Variants in PCNX2 observed in about 807,000 individuals in gnomAD.
The protein encoded by PCNX2 is pecanex 2, also known as pecanex-like protein 2.
A neutral mutation model predicts 223.8 loss-of-function variants in PCNX2; 168 were observed. The ratio of observed to expected loss-of-function variants is 0.75; its 90% CI spans 0.66 to 0.85. PCNX2 has a LOEUF of 0.85. Ranked by LOEUF, PCNX2 falls within the 40% of genes least tolerant of loss-of-function variation. PCNX2 has a pLI of 0.00. For synonymous variants in PCNX2, 1,006 were observed against 1,052.6 expected, an observed-to-expected ratio of 0.96 and a Z score of 0.86; for missense variants, 2,507 against 2,675.5, an observed-to-expected ratio of 0.94 and a Z score of 1.39.
At chr1:233,282,459 T>A (rs897666655) in intron 1 of PCNX2, among the ~76,000 whole-genome samples, 3 of 152,226 alleles carry the variant, frequency 2.0e-5, no homozygotes, top group Non-Finnish European at 4.4e-5. Context: ...CAAACTACTA[T>A]GTGTAAAACT....
rs767568569 is a variant in PCNX2, at chr1:233,227,381, A to G, written c.2359-10T>C. 2 of 1,607,864 alleles carry G rather than the reference A, an allele frequency of 1.2e-6. No homozygotes were observed. Among genetic ancestry groups the G allele is most frequent in the Middle Eastern group, 1.7e-4 (1 of 6,024 alleles). On this transcript the variant is annotated splice_polypyrimidine_tract_variant and intron_variant, in intron 9 of 33. Transcript: ENST00000258229. ...GATCCTGACTCACATGCTTTTAGAT[A>G]CCAAAAGAAACAACAGAAAAAAGGG... is the stretch of plus-strand genomic sequence containing the variant.
In PCNX2 at chr1:233,160,425, G is replaced by A. The variant is rs1182152452; in HGVS notation, c.3375C>T (p.Leu1125=). 2.5e-6 allele frequency: 4 copies of A among 1,613,392 alleles called. No homozygotes were observed. In the African/African-American group the frequency reaches 4.0e-5, roughly 16 times the overall value. The change falls in exon 19 of 34, where the codon CTC becomes CTT. Residue 1125 remains leucine, a synonymous_variant. Coordinates refer to ENST00000258229, the MANE Select transcript of PCNX2 (RefSeq NM_014801.4). ...CAGCCAAGGCAAACAGCACGATGCTGAGAAATGGCTGCGATAAAAATGGGC... is the reference window on the plus strand; with the variant it reads ...CAGCCAAGGCAAACAGCACGATGCTAAGAAATGGCTGCGATAAAAATGGGC... ...STVFLSLRPF[L]SIVLFALAGA...
intron 25 of PCNX2, among the ~76,000 whole-genome samples, chr1:233,052,952 C>T (rs996819318): frequency 6.6e-6 from 1 of 151,844 alleles, no homozygotes; most frequent in Non-Finnish European, 1.5e-5. Context: ...TTCCACCTCC[C>T]AGTCTCTGGG....
intron 17 of PCNX2, chr1:233,167,585 G>C: frequency 2.8e-6 from 1 of 356,254 alleles, no homozygotes. Context: ...AAATAAAAAT[G>C]GGTAACTATG....
At chr1:233,114,835 T>A (rs1463973036) in intron 21 of PCNX2, among the ~76,000 whole-genome samples, 1 of 152,094 alleles carries the variant, frequency 6.6e-6, no homozygotes, top group East Asian at 1.9e-4. Context: ...ACCATGAGAT[T>A]AAGAAACTCA....
intron 25 of PCNX2, among the ~76,000 whole-genome samples, chr1:233,053,487 C>T (rs1672078865): frequency 6.6e-6 from 1 of 152,160 alleles, no homozygotes; most frequent in African/African-American, 2.4e-5. Flanking sequence ...TGTCTGTTTA[C>T]TTGTTTACTT....
chr1:233,072,756 C>G (rs1672913403), intron 23 of PCNX2, among the ~76,000 whole-genome samples: 1 of 151,898 alleles, frequency 6.6e-6, no homozygotes, highest in Non-Finnish European at 1.5e-5. Flanking sequence ...GTGTATAATC[C>G]TAATAAGGTG....
At chr1:233,098,402 A>G (rs1220139320) in intron 21 of PCNX2, among the ~76,000 whole-genome samples, 1 of 152,246 alleles carries the variant, frequency 6.6e-6, no homozygotes, top group East Asian at 1.9e-4. Flanking sequence ...ATTTACACAT[A>G]AGAAAAACCA....
At chr1:233,058,006 G>T (rs754957820) in intron 23 of PCNX2, 39 of 985,144 alleles carry the variant, frequency 4.0e-5, no homozygotes, top group Non-Finnish European at 4.7e-5. Flanking sequence ...TTCAAGAGTG[G>T]GGTATACTCT....
At position 233,258,586 on chromosome 1, in the gene PCNX2, T is replaced by C. The variant is rs764920484; in HGVS notation, c.1276A>G (p.Ile426Val). ...TCCAGGGTGATTACAGGAATTGAGA[T>C]CTGCTCGGCATTTGGAGAACCGGCC... ...GAAGSPNAEQ[I>V]SIPVITLDLP... The change falls in exon 5 of 34, where the codon ATC (isoleucine) becomes GTC (valine). Residue 426 changes from isoleucine to valine, a missense_variant. Transcript: ENST00000258229. 10 of 1,613,964 alleles carry C rather than the reference T, an allele frequency of 6.2e-6. No homozygotes were observed. The highest frequency in any genetic ancestry group is 1.7e-4 in the Middle Eastern group (1 of 6,060).
chr1:233,262,313 A>G (rs1660097665), intron 2 of PCNX2, 148 bp from the exon 3 acceptor site: 7 of 1,020,240 alleles, frequency 6.9e-6, no homozygotes, highest in African/African-American at 3.2e-5. Flanking sequence ...TTGTTAAGAG[A>G]CAGGGCTTCG....
chr1:233,227,124 GA>G, intron 10 of PCNX2, 101 bp downstream of exon 10: 1 of 1,330,024 alleles, frequency 7.5e-7, no homozygotes. Context: ...CGTACAACTT[GA>G]AAATGTGCAA....
intron 21 of PCNX2, among the ~76,000 whole-genome samples, chr1:233,115,894 A>G (rs1675379562): frequency 1.3e-5 from 2 of 152,240 alleles, no homozygotes; most frequent in Non-Finnish European, 2.9e-5. Flanking sequence ...CCATAACTCA[A>G]CTATATGCTG....
the PCNX2 span, among the ~76,000 whole-genome samples, chr1:233,307,877 T>G: frequency 6.6e-6 from 1 of 152,212 alleles, no homozygotes; most frequent in Non-Finnish European, 1.5e-5. Flanking sequence ...TCTGAACCAC[T>G]GCATTACCTC....
Position 233,126,380 on chromosome 1 carries a change from G to A in PCNX2, c.3837+8633C>T, listed in dbSNP as rs1185608451. On this transcript the variant is annotated intron_variant, in intron 21 of 33. Coordinates refer to ENST00000258229, the MANE Select transcript of PCNX2 (RefSeq NM_014801.4). This position sits in a 1 kb window ranked among gnomAD's most constrained non-coding sequence, Gnocchi z 4.8. ...ATATGCTATAGCATTCTCTGCAGGG[G>A]TCAAAAGGAAGAGGCAACATGATAT... 6.6e-6 allele frequency among the ~76,000 whole-genome samples: 1 copy of A among 152,090 alleles called. No individual in the cohort carries two copies. Among genetic ancestry groups the A allele is most frequent in the African/African-American group, 2.4e-5 (1 of 41,400 alleles).
intron 25 of PCNX2, among the ~76,000 whole-genome samples, chr1:233,036,996 C>T (rs1364428955): frequency 1.3e-5 from 2 of 152,220 alleles, no homozygotes; most frequent in African/African-American, 4.8e-5. Flanking sequence ...AAGACTGAGT[C>T]TCTCTCTTTG....
chr1:233,056,217 T>C (rs1672186896), intron 24 of PCNX2, among the ~76,000 whole-genome samples: 1 of 152,214 alleles, frequency 6.6e-6, no homozygotes, highest in Non-Finnish European at 1.5e-5. Flanking sequence ...CCTTTCAGTC[T>C]CTGGCACTTT....
At chr1:233,005,709 G>A (rs1162026777) in intron 28 of PCNX2, among the ~76,000 whole-genome samples, 1 of 152,206 alleles carries the variant, frequency 6.6e-6, no homozygotes, top group Non-Finnish European at 1.5e-5. Flanking sequence ...GCTGTGACAA[G>A]CCAAGCGGGG....
In PCNX2 at chr1:233,273,773, G is replaced by A. The variant is rs373061739; in HGVS notation, c.154-10610C>T. 1.6e-3 allele frequency among the ~76,000 whole-genome samples: 248 copies of A among 152,126 alleles called. 3 individuals are homozygous for A. In the South Asian group the frequency reaches 0.025, roughly 15 times the overall value. ...CGAGTACCTGGGATTACAGGCGCCT[G>A]CCACTACGCCCAGCTAATTTTTTGT... On this transcript the variant is annotated intron_variant, in intron 1 of 33. Coordinates refer to ENST00000258229, the MANE Select transcript of PCNX2 (RefSeq NM_014801.4).
Sources: allele counts gnomAD v4.1 joint callset (sites outside exome capture counted in the v4.1 genomes callset), GRCh38; gene constraint gnomAD v4.1.1; non-coding constraint Gnocchi (gnomAD v3.1); transcripts MANE v1.5; gene names NCBI Gene and HGNC (gene_info 2026-07-23, HGNC 2026-07-21).